The following UBE2N variants were observed in gnomAD, a reference collection of about 807,000 sequenced individuals.
UBE2N encodes ubiquitin-conjugating enzyme E2 N.
For missense variants in UBE2N, 60 were observed against 192.1 expected, an observed-to-expected ratio of 0.31 and a Z score of 4.07; for synonymous variants, 70 against 69.2, an observed-to-expected ratio of 1.01 and a Z score of -0.06.
intron 1 of UBE2N, among the ~76,000 whole-genome samples, chr12:93,433,031 C>T (rs1878817698): frequency 6.7e-6 from 1 of 148,556 alleles, no homozygotes; most frequent in African/African-American, 2.5e-5. Context: ...CTCCCGGGTT[C>T]ACACCATTCT....
intron 1 of UBE2N, among the ~76,000 whole-genome samples, chr12:93,439,610 T>C (rs1409686536): frequency 6.6e-6 from 1 of 152,216 alleles, no homozygotes; most frequent in African/African-American, 2.4e-5. Flanking sequence ...CACACAGAAG[T>C]TTGTATAGTG....
rs1344545955 is a variant in UBE2N, at chr12:93,406,423, T to C, written c.*3616A>G. The C allele has an allele frequency of 6.6e-6, 1 of 152,022 alleles. No individual in the cohort carries two copies. The highest frequency in any genetic ancestry group is 2.1e-4 in the South Asian group (1 of 4,820). The allele number at this position is 152,022 out of a possible 1,614,324, so 9.4% of individuals were successfully genotyped here. A position where few individuals can be genotyped will look rare whatever the true frequency, so the allele number is the denominator to read the frequency against. ...CTTTTAGGACAGATTTCCTTCCCCATTCTCCATCAAACAACCATAGCACCT... is the reference window on the plus strand; with the variant it reads ...CTTTTAGGACAGATTTCCTTCCCCACTCTCCATCAAACAACCATAGCACCT... On this transcript the variant is annotated 3_prime_UTR_variant, in exon 4 of 4. Transcript: ENST00000318066.
intron 1 of UBE2N, among the ~76,000 whole-genome samples, chr12:93,421,867 T>C (rs1451636471): frequency 2.0e-5 from 3 of 152,226 alleles, no homozygotes; most frequent in African/African-American, 7.2e-5. Context: ...ATTTTGTTCA[T>C]GGCATTGTGG....
intron 1 of UBE2N, among the ~76,000 whole-genome samples, chr12:93,420,332 C>T (rs988412802): frequency 6.6e-6 from 1 of 152,072 alleles, no homozygotes; most frequent in Non-Finnish European, 1.5e-5. Context: ...AAACCTAGAC[C>T]AGATCAATAT....
At chr12:93,412,431 G>A (rs1284415648) in intron 1 of UBE2N, among the ~76,000 whole-genome samples, 1 of 152,128 alleles carries the variant, frequency 6.6e-6, no homozygotes, top group Non-Finnish European at 1.5e-5. Context: ...AGGGCCAATC[G>A]GTCTTGAGCA....
At chr12:93,423,928 T>C (rs1380921836) in intron 1 of UBE2N, among the ~76,000 whole-genome samples, 6 of 152,244 alleles carry the variant, frequency 3.9e-5, no homozygotes, top group African/African-American at 1.4e-4. Flanking sequence ...AGAAAATTTG[T>C]TGCTAAGGGC....
At chr12:93,441,352 C>T (rs1879101665) in intron 1 of UBE2N, 1 of 153,826 alleles carries the variant, frequency 6.5e-6, no homozygotes, top group South Asian at 2.0e-4. Context: ...CGGCCTGACC[C>T]TCCCGGTTCA....
chr12:93,441,042 G>C (rs963020442), intron 1 of UBE2N: 1 of 152,582 alleles, frequency 6.6e-6, no homozygotes, highest in Admixed American at 6.5e-5. Flanking sequence ...GAGAGGAGAG[G>C]AGAGAAGAGG....
chr12:93,425,343 T>C (rs1314017847), intron 1 of UBE2N, among the ~76,000 whole-genome samples: 1 of 152,194 alleles, frequency 6.6e-6, no homozygotes, highest in Non-Finnish European at 1.5e-5. Flanking sequence ...TAAAACATTA[T>C]TTTAGTCATG....
intron 1 of UBE2N, among the ~76,000 whole-genome samples, chr12:93,425,259 C>T (rs948036948): frequency 2.0e-5 from 3 of 152,152 alleles, no homozygotes; most frequent in Non-Finnish European, 2.9e-5. Flanking sequence ...TCCTGCCATA[C>T]ATAAACATAC....
intron 1 of UBE2N, among the ~76,000 whole-genome samples, chr12:93,416,291 A>G (rs2121064036): frequency 6.6e-6 from 1 of 152,308 alleles, no homozygotes; most frequent in Middle Eastern, 3.4e-3. Flanking sequence ...AAAGGCAAAA[A>G]CTGGCTAGGA....
At chr12:93,439,329 T>G (rs973206731) in intron 1 of UBE2N, among the ~76,000 whole-genome samples, 13 of 151,986 alleles carry the variant, frequency 8.6e-5, no homozygotes, top group Admixed American at 3.9e-4. Context: ...CCTACAAAAA[T>G]TAGCTGGGTG....
At chr12:93,420,783 C>T (rs1185784328) in intron 1 of UBE2N, among the ~76,000 whole-genome samples, 1 of 152,082 alleles carries the variant, frequency 6.6e-6, no homozygotes, top group African/African-American at 2.4e-5. Flanking sequence ...AACAAATTGT[C>T]CCACCAAGAA....
intron 1 of UBE2N, among the ~76,000 whole-genome samples, chr12:93,425,415 C>T (rs1209049961): frequency 6.6e-6 from 1 of 152,166 alleles, no homozygotes; most frequent in African/African-American, 2.4e-5. Flanking sequence ...CAAAAGACTA[C>T]AGTAGGAATG....
In UBE2N at chr12:93,409,941, C is replaced by A. The variant is rs1037987947; in HGVS notation, c.*98G>T. On this transcript the variant is annotated 3_prime_UTR_variant, in exon 4 of 4. Coordinates refer to ENST00000318066, the MANE Select transcript of UBE2N (RefSeq NM_003348.4). The stretch of plus-strand genomic sequence containing the variant: ...CTGAAGATGTCTGGGCTTTTTTATT[C>A]TGTAATGTTTCTAAGACTGTGTCCA... 12 of 1,254,110 alleles carry A rather than the reference C, an allele frequency of 9.6e-6. No individual in the cohort carries two copies. The Admixed American group carries it at 2.3e-4, about 24-fold the overall frequency. The allele number at this position is 1,254,110 out of a possible 1,614,324, so 77.7% of individuals were successfully genotyped here.
At chr12:93,414,312 G>C (rs917238357) in intron 1 of UBE2N, among the ~76,000 whole-genome samples, 2 of 152,068 alleles carry the variant, frequency 1.3e-5, no homozygotes, top group Non-Finnish European at 2.9e-5. Flanking sequence ...AGCTAGGCAT[G>C]GTGGCGCATG....
intron 1 of UBE2N, chr12:93,429,344 AT>A (rs1209581937): frequency 7.3e-6 from 3 of 411,798 alleles, no homozygotes; most frequent in Middle Eastern, 4.1e-4. Flanking sequence ...ACTCTAACAT[AT>A]TTTTAGACTT....
chr12:93,416,703 T>C (rs1234581838), intron 1 of UBE2N, among the ~76,000 whole-genome samples: 2 of 151,984 alleles, frequency 1.3e-5, no homozygotes, highest in Non-Finnish European at 2.9e-5. Context: ...CGGCCTTATC[T>C]ATCTTTTGGC....
At chr12:93,411,330 A>G (rs773875503) in intron 1 of UBE2N, 31 bp from the exon 2 acceptor site, 3 of 1,563,392 alleles carry the variant, frequency 1.9e-6, no homozygotes, top group Non-Finnish European at 1.7e-6. Context: ...CATTTGTGAA[A>G]CAAATGTCAT....
Sources: gnomAD v4.1 joint callset for allele counts (sites outside exome capture counted in the v4.1 genomes callset) on GRCh38, gnomAD v4.1.1 for gene constraint, MANE v1.5 for transcripts, NCBI Gene and HGNC (gene_info 2026-07-23, HGNC 2026-07-21) for gene names.